PPP2R1B: variants seen among roughly 807,000 people sequenced by gnomAD.
PPP2R1B encodes serine/threonine-protein phosphatase 2A 65 kDa regulatory subunit A beta isoform.
A neutral mutation model predicts 72.7 loss-of-function variants in PPP2R1B; 58 were observed. The ratio of observed to expected loss-of-function variants is 0.80; its 90% CI spans 0.65 to 0.99. The LOEUF (loss-of-function observed/expected upper bound fraction) is 0.99. PPP2R1B is among the 50% of genes least tolerant of loss of function. The pLI is 0.00. For synonymous variants in PPP2R1B, 256 were observed against 264.6 expected (o/e 0.97, Z 0.32); for missense variants, 695 against 733.6 (o/e 0.95, Z 0.61).
Position 111,742,552 on chromosome 11 carries a change from T to C in PPP2R1B, c.1668A>G (p.Leu556=), listed in dbSNP as rs746703298. 8 of 1,613,708 alleles carry C rather than the reference T, an allele frequency of 5.0e-6. No individual in the cohort carries two copies. The highest frequency in any genetic ancestry group is 1.7e-5 in the Admixed American group (1 of 59,980). The change falls in exon 13 of 15, where the codon CTA becomes CTG. Residue 556 remains leucine, a synonymous_variant. Coordinates refer to ENST00000527614, the MANE Select transcript of PPP2R1B (RefSeq NM_002716.5). Reference sequence around the variant, plus strand: ...TATCTAGAATTGGTCCAATCTTTTGTAGAGATTTGGCCACATTGAAGCGAA... The same window carrying C: ...TATCTAGAATTGGTCCAATCTTTTGCAGAGATTTGGCCACATTGAAGCGAA... ...ANVRFNVAKS[L]QKIGPILDTN...
chr11:111,724,263 T>TC (rs1265000181), downstream of PPP2R1B: 17 of 1,283,894 alleles, frequency 1.3e-5, no homozygotes, highest in African/African-American at 1.8e-4. Flanking sequence ...CCAACTGGAA[T>TC]CAGAGGGTCT....
intron 13 of PPP2R1B, 152 bp from the exon 14 acceptor site, chr11:111,742,296 A>ACTT: frequency 1.3e-6 from 1 of 790,132 alleles, no homozygotes; most frequent in South Asian, 2.0e-5. Context: ...TGTCTAAAGA[A>ACTT]ATTCTCAGCA....
In PPP2R1B at chr11:111,760,888, G is replaced by T. The variant is rs115633648; in HGVS notation, c.470C>A (p.Thr157Lys). Residue 157 changes from threonine to lysine, a missense_variant, in exon 4 of 15, where the codon ACA (threonine) becomes AAA (lysine). Coordinates refer to ENST00000527614, the MANE Select transcript of PPP2R1B (RefSeq NM_002716.5). ...LASGDWFTSR[T>K]SACGLFSVCY... is the part of the protein sequence containing the mutation. Reference sequence around the variant, plus strand: ...AACGCTGAACAAACCACATGCAGATGTGCGAGAGGTGAACCAATCCCCACT... The same window carrying T: ...AACGCTGAACAAACCACATGCAGATTTGCGAGAGGTGAACCAATCCCCACT... 2.6e-4 allele frequency: 414 copies of T among 1,614,206 alleles called. 6 individuals are homozygous for T. The East Asian group carries it at 8.7e-3, about 34-fold the overall frequency.
rs1385235029 is a variant in PPP2R1B, at chr11:111,730,886, G to A, written c.1912-3829C>T. On this transcript the variant is annotated intron_variant, in intron 15 of 15. Transcript: ENST00000311129. ...GGTGATGTGAATGTCAGGTTAATGC[G>A]ATAGGGTTTTTGCCTCATCGGGCCT... The A allele has an allele frequency of 3.9e-5, 6 of 152,310 alleles. No individual in the cohort carries two copies. The South Asian group carries it at 8.3e-4, about 21-fold the overall frequency. The allele number at this position is 152,310 out of a possible 1,614,324, so 9.4% of individuals were successfully genotyped here.
intron 11 of PPP2R1B, among the ~76,000 whole-genome samples, chr11:111,743,907 T>C (rs1299428521): frequency 2.0e-5 from 3 of 152,264 alleles, no homozygotes; most frequent in East Asian, 3.9e-4. Flanking sequence ...AAGTGTGGCA[T>C]TGTGTAGTAA....
chr11:111,721,702 C>A, the PPP2R1B span: 1 of 616,970 alleles, frequency 1.6e-6, no homozygotes, highest in Non-Finnish European at 2.7e-6. Flanking sequence ...TCTGTAAAAG[C>A]TTTGAGTATT....
chr11:111,712,631 T>C, the PPP2R1B span, among the ~76,000 whole-genome samples: 1 of 152,246 alleles, frequency 6.6e-6, no homozygotes, highest in Non-Finnish European at 1.5e-5. Context: ...TCTTTCTCGC[T>C]CACTAATTCC....
chr11:111,715,793 C>CTTTTTATTT, the PPP2R1B span, among the ~76,000 whole-genome samples: 1 of 81,580 alleles, frequency 1.2e-5, no homozygotes, highest in Non-Finnish European at 2.2e-5. Flanking sequence ...TCATTTTTAG[C>CTTTTTATTT]TTTTTTTTTT....
In PPP2R1B at chr11:111,741,017, A is replaced by G. The variant is rs1591676379; in HGVS notation, c.*579T>C. 1.0e-6 allele frequency: 1 copy of G among 985,798 alleles called. No individual in the cohort carries two copies. The highest frequency in any genetic ancestry group is 1.1e-4 in the East Asian group (1 of 8,826). The allele number at this position is 985,798 out of a possible 1,614,324, so 61.1% of individuals were successfully genotyped here. A position where few individuals can be genotyped will look rare whatever the true frequency, so the allele number is the denominator to read the frequency against. On this transcript the variant is annotated 3_prime_UTR_variant, in exon 15 of 15. Coordinates refer to ENST00000527614, the MANE Select transcript of PPP2R1B (RefSeq NM_002716.5). ...AGACAAAATTGAGCAAATAAAAACC[A>G]AAACAACCACTACATTAACCCTGAG...
chr11:111,688,152 C>T, the PPP2R1B span: 2 of 1,614,000 alleles, frequency 1.2e-6, no homozygotes. The surrounding 1 kb of genome is among the most constrained non-coding windows in gnomAD (Gnocchi z 4.2). Context: ...ACATGAATAT[C>T]AAAATAGCAG....
chr11:111,722,188 C>T (rs535208486), downstream of PPP2R1B, among the ~76,000 whole-genome samples: 5 of 152,268 alleles, frequency 3.3e-5, no homozygotes, highest in East Asian at 9.7e-4. The surrounding 1 kb of genome is among the most constrained non-coding windows in gnomAD (Gnocchi z 4.4). Context: ...GGGGTGGGAA[C>T]GGGAGACCTG....
downstream of PPP2R1B, chr11:111,724,003 C>T (rs925846583): frequency 1.9e-6 from 3 of 1,614,090 alleles, no homozygotes; most frequent in East Asian, 2.2e-5. Context: ...GTCCCAGAAG[C>T]CCAGGACTGC....
Position 111,737,945 on chromosome 11 carries a change from G to A in PPP2R1B, c.*3651C>T. 1.9e-6 allele frequency: 2 copies of A among 1,038,654 alleles called. No homozygotes were observed. Among genetic ancestry groups the A allele is most frequent in the Non-Finnish European group, 2.3e-6 (2 of 861,212 alleles). The allele number at this position is 1,038,654 out of a possible 1,614,324, so 64.3% of individuals were successfully genotyped here. A position where few individuals can be genotyped will look rare whatever the true frequency, so the allele number is the denominator to read the frequency against. On this transcript the variant is annotated 3_prime_UTR_variant, in exon 15 of 15. Transcript: ENST00000527614. ...AAATGGCTTGGCTTTCCGACGCAAT[G>A]AGTAATTAAACTCTATTCGTCCTCC...
chr11:111,710,410 T>C, the PPP2R1B span, among the ~76,000 whole-genome samples: 1 of 152,204 alleles, frequency 6.6e-6, no homozygotes, highest in Non-Finnish European at 1.5e-5. Context: ...TTATACAGTA[T>C]AGCCAGTGAT....
chr11:111,750,232 C>T (rs1287653100), intron 10 of PPP2R1B, among the ~76,000 whole-genome samples: 2 of 151,934 alleles, frequency 1.3e-5, no homozygotes, highest in Non-Finnish European at 2.9e-5. Context: ...GGGTTCAAGA[C>T]AAGAAAAAAT....
chr11:111,693,193 A>G, the PPP2R1B span, among the ~76,000 whole-genome samples: 105 of 152,198 alleles, frequency 6.9e-4, 3 homozygotes, highest in South Asian at 0.017. Flanking sequence ...TTAGCTGGGC[A>G]TGGTGGTGCA....
chr11:111,739,153 T>G lies in PPP2R1B; in HGVS notation c.*2443A>C, dbSNP rs979340540. 3 of 985,376 alleles carry G rather than the reference T, an allele frequency of 3.0e-6. No individual in the cohort carries two copies. In the East Asian group the frequency reaches 3.4e-4, roughly 112 times the overall value. The allele number at this position is 985,376 out of a possible 1,614,324, so 61.0% of individuals were successfully genotyped here. ...TTGATTATTTGTTCCATGCACACAT[T>G]GGAGGATATTTTAGAAATTCATCCA... On this transcript the variant is annotated 3_prime_UTR_variant, in exon 15 of 15. Coordinates refer to ENST00000527614, the MANE Select transcript of PPP2R1B (RefSeq NM_002716.5).
chr11:111,721,948 C>G, downstream of PPP2R1B: 3 of 1,572,780 alleles, frequency 1.9e-6, no homozygotes, highest in Non-Finnish European at 2.6e-6. Flanking sequence ...CAGGTGGGTC[C>G]TTCTCCTTGC....
chr11:111,721,945 G>T (rs1285998292), downstream of PPP2R1B: 1 of 1,577,090 alleles, frequency 6.3e-7, no homozygotes. Context: ...CTCCAGGTGG[G>T]TCCTTCTCCT....
Sources: gnomAD v4.1 joint callset for allele counts (sites outside exome capture counted in the v4.1 genomes callset) on GRCh38, gnomAD v4.1.1 for gene constraint, Gnocchi (gnomAD v3.1) non-coding constraint, MANE v1.5 for transcripts, NCBI Gene and HGNC (gene_info 2026-07-23, HGNC 2026-07-21) for gene names.